The following ETV1 variants were observed in gnomAD, a reference collection of about 807,000 sequenced individuals.
ETV1 encodes the protein ETS translocation variant 1.
ETV1 carries 27 observed loss-of-function variants against 62.3 expected under a neutral mutation model. The ratio of observed to expected loss-of-function variants is 0.43; its 90% CI spans 0.32 to 0.60. The LOEUF is 0.60. Among genes scored for constraint, ETV1 ranks in the 20% least tolerant of loss-of-function variants. The probability of loss-of-function intolerance (pLI) is 0.06; values close to 1 mark genes in which losing one functional copy is unlikely to be tolerated. For synonymous variants in ETV1, 222 were observed against 199.6 expected (o/e 1.11, Z -0.94); for missense variants, 605 against 605.8 (o/e 1.00, Z 0.01).
At chr7:13,940,775 T>G (rs1787410654) in intron 6 of ETV1, among the ~76,000 whole-genome samples, 1 of 152,206 alleles carries the variant, frequency 6.6e-6, no homozygotes, top group East Asian at 1.9e-4. Flanking sequence ...ATGTTATATA[T>G]AATTTTTAAC....
At position 13,893,784 on chromosome 7, in the gene ETV1, C is replaced by A. The variant is rs1055639450; in HGVS notation, c.*2082G>T. On this transcript the variant is annotated 3_prime_UTR_variant, in exon 14 of 14. Transcript: ENST00000430479. ...AAACTTTCACTGAATATTTTAACATCTGTTTTTATTCTAAGTGCTGTAGAT... is the reference window on the plus strand; with the variant it reads ...AAACTTTCACTGAATATTTTAACATATGTTTTTATTCTAAGTGCTGTAGAT... 1 of 232,766 alleles carries A rather than the reference C, an allele frequency of 4.3e-6. No individual in the cohort carries two copies. The highest frequency in any genetic ancestry group is 2.2e-5 in the African/African-American group (1 of 45,286). 14.4% of individuals were successfully genotyped at this position (232,766 alleles called of 1,614,324 possible).
intron 12 of ETV1, among the ~76,000 whole-genome samples, chr7:13,903,437 T>C (rs1426023635): frequency 2.0e-5 from 3 of 152,094 alleles, no homozygotes; most frequent in Non-Finnish European, 2.9e-5. Flanking sequence ...AAGACTTTTA[T>C]ACTGAGTCTT....
At chr7:13,982,739 C>G (rs1341090812) in intron 5 of ETV1, among the ~76,000 whole-genome samples, 4 of 151,794 alleles carry the variant, frequency 2.6e-5, no homozygotes, top group Non-Finnish European at 4.4e-5. Context: ...AAAATAATGT[C>G]GTTTTTAAAG....
intron 6 of ETV1, among the ~76,000 whole-genome samples, chr7:13,968,368 T>C (rs1052699933): frequency 3.3e-5 from 5 of 151,902 alleles, no homozygotes; most frequent in Non-Finnish European, 7.4e-5. Flanking sequence ...AATTTTAGTT[T>C]TTGGTTTTCA....
chr7:13,942,143 C>T (rs1787617112), intron 6 of ETV1, among the ~76,000 whole-genome samples: 1 of 151,406 alleles, frequency 6.6e-6, no homozygotes, highest in Non-Finnish European at 1.5e-5. Context: ...CCTGCCTCAG[C>T]CTCCCGAGTA....
intron 9 of ETV1, among the ~76,000 whole-genome samples, chr7:13,914,304 G>A (rs1783902663): frequency 6.6e-6 from 1 of 152,026 alleles, no homozygotes; most frequent in African/African-American, 2.4e-5. Context: ...ATTTAATTTA[G>A]GACAAAGAAT....
intron 3 of ETV1, 89 bp downstream of exon 3, chr7:13,988,919 C>A: frequency 6.8e-7 from 1 of 1,479,166 alleles, no homozygotes. Flanking sequence ...AATCCCAACC[C>A]CCGTGCCCCC....
At chr7:13,976,419 A>G (rs547817914) in intron 6 of ETV1, among the ~76,000 whole-genome samples, 1 of 152,328 alleles carries the variant, frequency 6.6e-6, no homozygotes, top group East Asian at 1.9e-4. Flanking sequence ...GCTGAGTTGA[A>G]ACATGTAACA....
rs779639875 is a variant in ETV1 at position 13,895,909 on chromosome 7, C to A, written c.1391G>T (p.Gly464Val). The change falls in exon 14 of 14, where the codon GGC becomes GTC. Residue 464 changes from glycine (G) to valine (V), a missense_variant. Gly to Val is a moderately radical substitution (Grantham distance 109). Coordinates refer to ENST00000430479, the MANE Select transcript of ETV1 (RefSeq NM_004956.5). Reference protein sequence around the residue: ...DESMAYMPEGGCCNPHPYNEG... With the variant: ...DESMAYMPEGVCCNPHPYNEG... The stretch of plus-strand genomic sequence containing the variant: ...GTTGTAGGGGTGGGGGTTGCAGCAG[C>A]CCCCTTCCGGCATGTAGGCCATGCT... The A allele has an allele frequency of 1.9e-6, 3 of 1,613,756 alleles. No homozygotes were observed. Among genetic ancestry groups the A allele is most frequent in the Non-Finnish European group, 2.5e-6 (3 of 1,179,830 alleles).
intron 6 of ETV1, among the ~76,000 whole-genome samples, chr7:13,944,754 C>A (rs1787953899): frequency 6.6e-6 from 1 of 152,110 alleles, no homozygotes; most frequent in Admixed American, 6.5e-5. Flanking sequence ...TCAAAATTTA[C>A]ATGTTGAAAT....
In ETV1 at chr7:13,896,048, G is replaced by A; in HGVS notation, c.1252C>T (p.Pro418Ser). 1 of 1,613,648 alleles carries A rather than the reference G, an allele frequency of 6.2e-7. No individual in the cohort carries two copies. Among genetic ancestry groups the A allele is most frequent in the East Asian group, 2.2e-5 (1 of 44,864 alleles). ...ERYVYKFVCD[P>S]EALFSMAFPD... Reference sequence around the variant, plus strand: ...AAGGCCATGGAGAAAAGGGCTTCTGGATCACACACAAACTTGTAGACATAT... The same window carrying A: ...AAGGCCATGGAGAAAAGGGCTTCTGAATCACACACAAACTTGTAGACATAT... The change falls in exon 14 of 14, where the codon CCA becomes TCA. Residue 418 changes from proline to serine, a missense_variant. Transcript: ENST00000430479.
At chr7:13,926,355 CA>C in intron 9 of ETV1, among the ~76,000 whole-genome samples, 1 of 151,994 alleles carries the variant, frequency 6.6e-6, no homozygotes, top group Non-Finnish European at 1.5e-5. Context: ...TAAAATGAAA[CA>C]AAAAAAGCAA....
At chr7:13,980,860 A>G (rs1053960440) in intron 5 of ETV1, among the ~76,000 whole-genome samples, 6 of 152,114 alleles carry the variant, frequency 3.9e-5, no homozygotes, top group Non-Finnish European at 8.8e-5. Context: ...ATCATGACCT[A>G]TATGTCACAA....
chr7:13,891,369 T>A lies in ETV1; in HGVS notation c.*4497A>T, dbSNP rs1781375470. The A allele has an allele frequency of 4.3e-6, 1 of 231,240 alleles. No homozygotes were observed. 14.3% of individuals were successfully genotyped at this position (231,240 alleles called of 1,614,324 possible). ...AGTGAATTAAAAATTTTCTTCCCCA[T>A]AGAAGCATAAATATAATTTTAGAAT... On this transcript the variant is annotated 3_prime_UTR_variant, in exon 14 of 14. Coordinates refer to ENST00000430479, the MANE Select transcript of ETV1 (RefSeq NM_004956.5).
rs185217074 is a variant in ETV1 at position 13,940,311 on chromosome 7, G to A, written c.236-1065C>T. Reference sequence around the variant, plus strand: ...CAGAAGGTGGAGGTTGCAGTGAGCCGAGATCATGCCATTGCACTCCAGCCT... The same window carrying A: ...CAGAAGGTGGAGGTTGCAGTGAGCCAAGATCATGCCATTGCACTCCAGCCT... On this transcript the variant is annotated intron_variant, in intron 6 of 13. Transcript: ENST00000430479. 1.6e-3 allele frequency among the ~76,000 whole-genome samples: 243 copies of A among 149,572 alleles called. 7 individuals carry two copies. Among genetic ancestry groups the A allele is most frequent in the Admixed American group, 0.015 (230 of 14,936 alleles).
intron 3 of ETV1, 156 bp from the exon 4 acceptor site, chr7:13,988,329 A>G: frequency 1.7e-6 from 1 of 596,628 alleles, no homozygotes; most frequent in Non-Finnish European, 2.9e-6. Flanking sequence ...CAACTCTAAT[A>G]TTCATTTTCT....
intron 6 of ETV1, among the ~76,000 whole-genome samples, chr7:13,965,723 T>C (rs1252554355): frequency 6.6e-6 from 1 of 152,186 alleles, no homozygotes; most frequent in Admixed American, 6.5e-5. Flanking sequence ...TATCTAATAA[T>C]ATTTATTAGA....
chr7:13,906,421 T>G lies in ETV1; in HGVS notation c.1110+9A>C. On this transcript the variant is annotated intron_variant, in intron 12 of 13. Transcript: ENST00000430479. ...TCTGAGTGTCCTAATTAAAATCTAT[T>G]AAACTAACCTCTTCAGGCTCAATCA... The G allele has an allele frequency of 1.3e-6, 2 of 1,544,084 alleles. No homozygotes were observed. The highest frequency in any genetic ancestry group is 1.7e-6 in the Non-Finnish European group (2 of 1,147,648).
intron 8 of ETV1, among the ~76,000 whole-genome samples, chr7:13,933,509 A>T (rs1407637826): frequency 6.6e-6 from 1 of 152,178 alleles, no homozygotes; most frequent in East Asian, 1.9e-4. Flanking sequence ...AAAAAGTGCC[A>T]AAGGGCTGGC....
Sources: allele counts gnomAD v4.1 joint callset (sites outside exome capture counted in the v4.1 genomes callset), GRCh38; gene constraint gnomAD v4.1.1; transcripts MANE v1.5; gene names NCBI Gene and HGNC (gene_info 2026-07-23, HGNC 2026-07-21).